The following FMOD variants were observed in gnomAD, a reference collection of about 807,000 sequenced individuals.
FMOD encodes KSPG fibromodulin.
In FMOD, 15 loss-of-function variants were observed where a neutral mutation model predicts 27.0. That is an observed-to-expected ratio of 0.55 (90% CI 0.37 to 0.85). The LOEUF (loss-of-function observed/expected upper bound fraction) is 0.85, where lower values mean the gene tolerates loss of function less well. FMOD is among the 40% of genes least tolerant of loss of function. The pLI, the probability that FMOD is intolerant of heterozygous loss-of-function variation, is 0.00. For synonymous variants in FMOD, 210 were observed against 214.0 expected (o/e 0.98, Z 0.16); for missense variants, 460 against 483.2 (o/e 0.95, Z 0.45).
intron 1 of FMOD, among the ~76,000 whole-genome samples, chr1:203,350,479 C>A (rs1025003789): frequency 6.6e-6 from 1 of 152,112 alleles, no homozygotes; most frequent in Non-Finnish European, 1.5e-5. Context: ...AAGCCAGAGG[C>A]CATCCCCTCA....
chr1:203,350,388 A>G (rs1393150475), intron 1 of FMOD, among the ~76,000 whole-genome samples: 1 of 151,990 alleles, frequency 6.6e-6, no homozygotes. Flanking sequence ...CAGCTGGGGG[A>G]AGTTTACTCA....
chr1:203,340,677 T>C lies in FMOD; in HGVS notation c.*1666A>G, dbSNP rs1658779364. Reference sequence around the variant, plus strand: ...GTCAGGTTAGCCACCACTCATGCTTTTCCTGTAATAAGGATCCTTTATAAA... The same window carrying C: ...GTCAGGTTAGCCACCACTCATGCTTCTCCTGTAATAAGGATCCTTTATAAA... On this transcript the variant is annotated 3_prime_UTR_variant, in exon 3 of 3. Coordinates refer to ENST00000354955, the MANE Select transcript of FMOD (RefSeq NM_002023.5). 1 of 152,254 alleles carries C rather than the reference T, an allele frequency of 6.6e-6. No homozygotes were observed. The highest frequency in any genetic ancestry group is 6.5e-5 in the Admixed American group (1 of 15,292). The allele number at this position is 152,254 out of a possible 1,614,324, so 9.4% of individuals were successfully genotyped here.
Position 203,347,391 on chromosome 1 carries a change from T to G in FMOD, c.880A>C (p.Ser294Arg). Residue 294 changes from serine (S) to arginine (R), a missense_variant, in exon 2 of 3, where the codon AGC (serine) becomes CGC (arginine). Ser to Arg is a moderately radical substitution (Grantham distance 110). Transcript: ENST00000354955. ...TAGGAGAGGTCTAGCTCAAGGAGGC[T>G]GCTGGAATTGAAGGTGTTGGAGGCC... ...GLASNTFNSS[S>R]LLELDLSYNQ... 6.2e-7 allele frequency: 1 copy of G among 1,614,184 alleles called. No individual in the cohort carries two copies.
Position 203,342,418 on chromosome 1 carries a change from C to T in FMOD, c.1056G>A (p.Gly352=). 6.2e-7 allele frequency: 1 copy of T among 1,614,130 alleles called. No homozygotes were observed. The highest frequency in any genetic ancestry group is 2.2e-5 in the East Asian group (1 of 44,882). The part of the protein sequence containing the change: ...FSKLQVLRLD[G]NEIKRSAMPA... The stretch of plus-strand genomic sequence containing the variant: ...GCATGGCGCTGCGCTTGATCTCGTT[C>T]CCGTCCAGGCGCAGCACCTGCAGCT... Residue 352 remains glycine (G), a synonymous_variant, in exon 3 of 3, where the codon GGG becomes GGA. Transcript: ENST00000354955.
intron 1 of FMOD, 62 bp from the exon 2 acceptor site, chr1:203,348,339 G>A (rs1658934088): frequency 1.3e-6 from 2 of 1,526,034 alleles, no homozygotes; most frequent in Admixed American, 1.8e-5. Flanking sequence ...GAGGCAGTGA[G>A]GCAGAGTAGG....
chr1:203,342,777 C>A (rs1360253652), intron 2 of FMOD, among the ~76,000 whole-genome samples: 2 of 117,126 alleles, frequency 1.7e-5, no homozygotes, highest in Non-Finnish European at 4.2e-5. Context: ...CCCTCTGGGA[C>A]ATTTTTTTTT....
chr1:203,348,247 C>A lies in FMOD; in HGVS notation c.24G>T (p.Leu8=). 1 of 1,613,732 alleles carries A rather than the reference C, an allele frequency of 6.2e-7. No individual in the cohort carries two copies. The highest frequency in any genetic ancestry group is 1.1e-5 in the South Asian group (1 of 91,032). ...GGGAGAGGGAGAAGAGCCCTGCCAG[C>A]AGCAGGAGGGAGGTCCACTGCATTT... MQWTSLL[L]LAGLFSLSQA... The change falls in exon 2 of 3, where the codon CTG becomes CTT. Residue 8 remains leucine (L), a synonymous_variant. Transcript: ENST00000354955.
intron 1 of FMOD, among the ~76,000 whole-genome samples, chr1:203,349,389 T>C (rs1444778167): frequency 6.6e-6 from 1 of 152,192 alleles, no homozygotes; most frequent in African/African-American, 2.4e-5. Flanking sequence ...CCTGTTGCTT[T>C]TGAACCTGTT....
intron 1 of FMOD, among the ~76,000 whole-genome samples, chr1:203,349,456 C>T (rs993664683): frequency 2.0e-5 from 3 of 152,158 alleles, no homozygotes; most frequent in Non-Finnish European, 4.4e-5. Flanking sequence ...CTGATGTCAT[C>T]TGAGAGGGAA....
At chr1:203,345,175 A>G (rs1489424061) in intron 2 of FMOD, among the ~76,000 whole-genome samples, 1 of 152,170 alleles carries the variant, frequency 6.6e-6, no homozygotes, top group African/African-American at 2.4e-5. Flanking sequence ...TAAATTGCAC[A>G]AGAATTGATT....
intron 1 of FMOD, among the ~76,000 whole-genome samples, chr1:203,348,811 C>T (rs12092451): frequency 0.18 from 28,095 of 152,260 alleles, 3,050 homozygotes; most frequent in East Asian, 0.34. Flanking sequence ...AGCTGAACTA[C>T]ATCTGGAAAA....
At position 203,340,712 on chromosome 1, in the gene FMOD, G is replaced by T. The variant is rs1429591356; in HGVS notation, c.*1631C>A. The T allele has an allele frequency of 6.6e-6, 1 of 152,230 alleles. No individual in the cohort carries two copies. Among genetic ancestry groups the T allele is most frequent in the Non-Finnish European group, 1.5e-5 (1 of 68,040 alleles). The allele number at this position is 152,230 out of a possible 1,614,324, so 9.4% of individuals were successfully genotyped here. On this transcript the variant is annotated 3_prime_UTR_variant, in exon 3 of 3. Transcript: ENST00000354955. ...AAGGATCCTTTATAAAGGCATGATGGTGTTCACATGCAGATGCTTTCTGAA... is the reference window on the plus strand; with the variant it reads ...AAGGATCCTTTATAAAGGCATGATGTTGTTCACATGCAGATGCTTTCTGAA...
chr1:203,343,538 T>C (rs1459793371), intron 2 of FMOD, among the ~76,000 whole-genome samples: 1 of 152,212 alleles, frequency 6.6e-6, no homozygotes, highest in Non-Finnish European at 1.5e-5. Context: ...AAAGGGGGTT[T>C]GAATGAAGTT....
At chr1:203,346,618 G>A (rs1024959272) in intron 2 of FMOD, among the ~76,000 whole-genome samples, 7 of 152,026 alleles carry the variant, frequency 4.6e-5, no homozygotes, top group Admixed American at 3.9e-4. Context: ...GCCACCAGGG[G>A]GTCCTTGTAC....
At chr1:203,344,710 C>T (rs898848095) in intron 2 of FMOD, among the ~76,000 whole-genome samples, 4 of 152,188 alleles carry the variant, frequency 2.6e-5, no homozygotes, top group Non-Finnish European at 4.4e-5. Context: ...AATCCCACCT[C>T]CAACACCCCC....
Position 203,348,038 on chromosome 1 carries a change from T to C in FMOD, c.233A>G (p.Gln78Arg). 1 of 1,611,982 alleles carries C rather than the reference T, an allele frequency of 6.2e-7. No individual in the cohort carries two copies. The highest frequency in any genetic ancestry group is 8.5e-7 in the Non-Finnish European group (1 of 1,178,774). Residue 78 changes from glutamine (Q) to arginine (R), a missense_variant, in exon 2 of 3, where the codon CAG becomes CGG. Physicochemically the swap from Gln to Arg is conservative, Grantham distance 43. Coordinates refer to ENST00000354955, the MANE Select transcript of FMOD (RefSeq NM_002023.5). ...GAAGTTGGGTGGGCAGTCGCACTCC[T>C]GGGGGCAGTCGCGGGGATCTGGAGG... ...PSPPDPRDCP[Q>R]ECDCPPNFPT...
intron 1 of FMOD, among the ~76,000 whole-genome samples, chr1:203,349,858 C>A (rs974575613): frequency 5.3e-5 from 8 of 152,330 alleles, no homozygotes; most frequent in Non-Finnish European, 1.0e-4. Context: ...TGCAGAGGAG[C>A]AGGCACCCTG....
chr1:203,346,582 G>A (rs1299138213), intron 2 of FMOD, among the ~76,000 whole-genome samples: 1 of 151,268 alleles, frequency 6.6e-6, no homozygotes, highest in Non-Finnish European at 1.5e-5. Flanking sequence ...TCAGGCTCAT[G>A]TTACCCTAGG....
At chr1:203,344,985 A>T (rs2102302443) in intron 2 of FMOD, among the ~76,000 whole-genome samples, 1 of 152,330 alleles carries the variant, frequency 6.6e-6, no homozygotes, top group East Asian at 1.9e-4. Flanking sequence ...TCAACTTTAA[A>T]GTGGCAATGA....
Sources: allele counts gnomAD v4.1 joint callset (sites outside exome capture counted in the v4.1 genomes callset), GRCh38; gene constraint gnomAD v4.1.1; transcripts MANE v1.5; gene names NCBI Gene and HGNC (gene_info 2026-07-23, HGNC 2026-07-21).